The following FRMD5 variants were observed in gnomAD, a reference collection of about 807,000 sequenced individuals.
FRMD5 encodes FERM domain containing 5, also known as FERM domain-containing protein 5.
Under a neutral mutation model 69.0 loss-of-function variants are expected in FRMD5, and 20 were observed. That is an observed-to-expected ratio of 0.29 (90% CI 0.20 to 0.42). The LOEUF (loss-of-function observed/expected upper bound fraction) is 0.42. FRMD5 is among the 10% of genes least tolerant of loss of function. The pLI, the probability that FRMD5 is intolerant of heterozygous loss-of-function variation, is 1.00. For synonymous variants in FRMD5, 271 were observed against 260.1 expected (o/e 1.04, Z -0.40); for missense variants, 595 against 708.6 (o/e 0.84, Z 1.82).
At chr15:44,031,899 T>C (rs1034710261) in intron 1 of FRMD5, among the ~76,000 whole-genome samples, 4 of 152,180 alleles carry the variant, frequency 2.6e-5, no homozygotes, top group Admixed American at 6.5e-5. Context: ...CAAATCTTTA[T>C]GGATCAGGTC....
At chr15:43,991,493 C>T (rs1435621828) in intron 1 of FRMD5, among the ~76,000 whole-genome samples, 1 of 152,210 alleles carries the variant, frequency 6.6e-6, no homozygotes, top group Non-Finnish European at 1.5e-5. Context: ...GACAGTACTG[C>T]TCCAGAGCAC....
chr15:43,892,551 T>G (rs2088816988), intron 7 of FRMD5, among the ~76,000 whole-genome samples: 1 of 152,184 alleles, frequency 6.6e-6, no homozygotes, highest in Admixed American at 6.5e-5. Context: ...GCAGTATGTG[T>G]TAAGAGCTAA....
chr15:44,021,700 T>C (rs978232418), intron 1 of FRMD5, among the ~76,000 whole-genome samples: 10 of 152,136 alleles, frequency 6.6e-5, no homozygotes, highest in Admixed American at 6.6e-5. Flanking sequence ...CTCTTATATA[T>C]GTAAAATGAT....
At chr15:43,962,030 A>G (rs1372484281) in intron 1 of FRMD5, among the ~76,000 whole-genome samples, 1 of 152,230 alleles carries the variant, frequency 6.6e-6, no homozygotes, top group Non-Finnish European at 1.5e-5. Flanking sequence ...CTCCTATTCA[A>G]CATAGTGTTG....
At chr15:43,934,785 C>T (rs1332759603) in intron 1 of FRMD5, among the ~76,000 whole-genome samples, 3 of 152,226 alleles carry the variant, frequency 2.0e-5, no homozygotes, top group African/African-American at 7.2e-5. Flanking sequence ...ATACCAGCCT[C>T]TGTCCTTCCC....
intron 1 of FRMD5, among the ~76,000 whole-genome samples, chr15:44,043,358 T>A (rs994930893): frequency 2.0e-5 from 3 of 152,138 alleles, no homozygotes; most frequent in Non-Finnish European, 4.4e-5. Flanking sequence ...CCTAAAGTAA[T>A]TTACAGAATG....
chr15:44,066,128 G>A (rs1249774881), intron 1 of FRMD5, among the ~76,000 whole-genome samples: 4 of 152,080 alleles, frequency 2.6e-5, no homozygotes, highest in Admixed American at 2.6e-4. Flanking sequence ...TCTACCCCAT[G>A]TTTTCTGCTT....
At chr15:44,193,048 T>C (rs2078221874) in intron 1 of FRMD5, among the ~76,000 whole-genome samples, 1 of 152,156 alleles carries the variant, frequency 6.6e-6, no homozygotes, top group Non-Finnish European at 1.5e-5. Context: ...TTCTAAATGG[T>C]AATAAAAACT....
At chr15:44,148,205 A>C (rs1040318550) in intron 1 of FRMD5, among the ~76,000 whole-genome samples, 34 of 152,196 alleles carry the variant, frequency 2.2e-4, no homozygotes, top group Non-Finnish European at 1.3e-4. Flanking sequence ...ATAATAAAAT[A>C]AGTAAATAAA....
intron 1 of FRMD5, among the ~76,000 whole-genome samples, chr15:44,137,094 G>A (rs2077198445): frequency 6.6e-6 from 1 of 152,194 alleles, no homozygotes; most frequent in Non-Finnish European, 1.5e-5. Flanking sequence ...GTTGGAGGAG[G>A]AGGTTATAAG....
intron 1 of FRMD5, among the ~76,000 whole-genome samples, chr15:44,040,768 A>AATAACCAGC (rs1892151533): frequency 6.6e-6 from 1 of 152,054 alleles, no homozygotes; most frequent in South Asian, 2.1e-4. Flanking sequence ...TAACAGGTAA[A>AATAACCAGC]ATAACCAGCT....
chr15:43,921,533 G>A (rs1327151133), intron 2 of FRMD5, among the ~76,000 whole-genome samples: 2 of 152,132 alleles, frequency 1.3e-5, no homozygotes, highest in African/African-American at 2.4e-5. Flanking sequence ...CTGATCCATG[G>A]GATTTGGAGT....
At chr15:43,973,312 G>A (rs1461708034) in intron 1 of FRMD5, among the ~76,000 whole-genome samples, 6 of 151,220 alleles carry the variant, frequency 4.0e-5, no homozygotes, top group South Asian at 2.1e-4. Context: ...GTGAGCCACC[G>A]CACCTGGCCG....
At chr15:44,121,692 G>A (rs1178898777) in intron 1 of FRMD5, among the ~76,000 whole-genome samples, 1 of 151,820 alleles carries the variant, frequency 6.6e-6, no homozygotes, top group Non-Finnish European at 1.5e-5. Context: ...CTCCTTATAT[G>A]ACAGTTGAAA....
chr15:43,905,993 T>A (rs769338475), intron 5 of FRMD5, 42 bp from the exon 6 acceptor site: 149 of 1,612,808 alleles, frequency 9.2e-5, no homozygotes, highest in Non-Finnish European at 1.2e-4. Flanking sequence ...TGGAGACAGG[T>A]AAATCATCAT....
chr15:43,994,825 G>A (rs1016510398), intron 1 of FRMD5, among the ~76,000 whole-genome samples: 12 of 152,314 alleles, frequency 7.9e-5, no homozygotes, highest in African/African-American at 2.6e-4. Context: ...ATTTGACTGT[G>A]TACTTACTTT....
chr15:43,994,483 G>A (rs1889829954), intron 1 of FRMD5, among the ~76,000 whole-genome samples: 1 of 152,038 alleles, frequency 6.6e-6, no homozygotes, highest in Non-Finnish European at 1.5e-5. Context: ...GTCTCATTCT[G>A]TTGCCCAGCC....
At chr15:43,889,582 A>T (rs1369562512) in intron 8 of FRMD5, among the ~76,000 whole-genome samples, 1 of 152,250 alleles carries the variant, frequency 6.6e-6, no homozygotes, top group East Asian at 1.9e-4. Context: ...GACACAAATC[A>T]GAAGAAGTGA....
At chr15:44,006,290 A>G (rs1305840092) in intron 1 of FRMD5, among the ~76,000 whole-genome samples, 2 of 152,212 alleles carry the variant, frequency 1.3e-5, no homozygotes, top group Non-Finnish European at 2.9e-5. Context: ...TTTTCAGTTC[A>G]TTGTTGAGAC....
Sources: gnomAD v4.1 joint callset for allele counts (sites outside exome capture counted in the v4.1 genomes callset) on GRCh38, gnomAD v4.1.1 for gene constraint, MANE v1.5 for transcripts, NCBI Gene and HGNC (gene_info 2026-07-23, HGNC 2026-07-21) for gene names.